Variants in COL23A1 observed in about 807,000 individuals in gnomAD.
COL23A1 encodes the protein collagen type XXIII alpha 1 chain.
In COL23A1, 97 loss-of-function variants were observed where a neutral mutation model predicts 99.3. The observed-to-expected ratio is 0.98, with a 90% CI of 0.83 to 1.16. The LOEUF is 1.16. Among genes scored for constraint, COL23A1 ranks in the 50% most tolerant of loss-of-function variants. The pLI, the probability that COL23A1 is intolerant of heterozygous loss-of-function variation, is 0.00. For missense variants in COL23A1, 762 were observed against 757.4 expected (o/e 1.01, Z -0.07); for synonymous variants, 320 against 308.2 (o/e 1.04, Z -0.40).
chr5:178,346,757 T>G (rs186738194), intron 2 of COL23A1, among the ~76,000 whole-genome samples: 73 of 152,318 alleles, frequency 4.8e-4, no homozygotes, highest in African/African-American at 1.7e-3. Context: ...CCAAGCTGCA[T>G]TTACGTAGCA....
chr5:178,524,658 C>T (rs1036445616), intron 2 of COL23A1, among the ~76,000 whole-genome samples: 4 of 152,242 alleles, frequency 2.6e-5, no homozygotes, highest in Non-Finnish European at 4.4e-5. Flanking sequence ...CTCCTGCAGA[C>T]CTGGCCAACT....
In COL23A1 at chr5:178,434,427, T is replaced by TG. The variant is rs1430420393; in HGVS notation, c.361+126254dup. On this transcript the variant is annotated intron_variant, in intron 2 of 28. Transcript: ENST00000390654. This position sits in a 1 kb window ranked among gnomAD's most constrained non-coding sequence, Gnocchi z 4.3. Reference sequence around the variant, plus strand: ...CGGGCAAAATGCCTGGACCAGGACTTGGACATTGGGCGGCTGTGTGACAGG... The same window carrying TG: ...CGGGCAAAATGCCTGGACCAGGACTTGGGACATTGGGCGGCTGTGTGACAGG... Among the ~76,000 whole-genome samples, 2 of 152,220 alleles carry TG rather than the reference T, an allele frequency of 1.3e-5. No individual in the cohort carries two copies. Among genetic ancestry groups the TG allele is most frequent in the Non-Finnish European group, 2.9e-5 (2 of 68,030 alleles).
At chr5:178,459,472 A>G (rs947101632) in intron 2 of COL23A1, among the ~76,000 whole-genome samples, 9 of 152,138 alleles carry the variant, frequency 5.9e-5, no homozygotes, top group African/African-American at 2.2e-4. Flanking sequence ...TTCCATAATA[A>G]AAAGGGGGCC....
chr5:178,487,288 T>TTTTTTTTATTTATTTA (rs773272887), intron 2 of COL23A1, among the ~76,000 whole-genome samples: 134 of 116,518 alleles, frequency 1.2e-3, no homozygotes, highest in Non-Finnish European at 1.7e-3. Context: ...CCAGCCTCAG[T>TTTTTTTTATTTATTTA]TTTATTTATT....
chr5:178,390,323 G>C (rs1373719139), intron 2 of COL23A1, among the ~76,000 whole-genome samples: 1 of 152,208 alleles, frequency 6.6e-6, no homozygotes, highest in Non-Finnish European at 1.5e-5. Flanking sequence ...GCTACAACTG[G>C]CTGGAGGAGG....
At position 178,290,220 on chromosome 5, in the gene COL23A1, C is replaced by A. The variant is rs1405393947; in HGVS notation, c.414+142G>T. ...GTGCTGGGATTCCAGGCGTGAGCCA[C>A]CGCACCTGGCCACTTTTTAATAGGA... On this transcript the variant is annotated intron_variant, in intron 4 of 28. Transcript: ENST00000390654. 15 of 1,169,510 alleles carry A rather than the reference C, an allele frequency of 1.3e-5. No individual in the cohort carries two copies. The East Asian group carries it at 3.4e-4, about 26-fold the overall frequency. 72.4% of individuals were successfully genotyped at this position (1,169,510 alleles called of 1,614,324 possible).
intron 5 of COL23A1, among the ~76,000 whole-genome samples, chr5:178,282,352 G>T (rs1219346267): frequency 6.6e-6 from 1 of 152,188 alleles, no homozygotes; most frequent in Non-Finnish European, 1.5e-5. Context: ...GATACCAGGG[G>T]TGGAATACAA....
chr5:178,382,632 CAA>C (rs1561923186), intron 2 of COL23A1, among the ~76,000 whole-genome samples: 1 of 152,150 alleles, frequency 6.6e-6, no homozygotes. Flanking sequence ...TCCCCTCCCG[CAA>C]AGTCTCATTA....
chr5:178,489,461 G>A (rs1016295221), intron 2 of COL23A1, among the ~76,000 whole-genome samples: 1 of 152,200 alleles, frequency 6.6e-6, no homozygotes, highest in Non-Finnish European at 1.5e-5. Context: ...AGCCTGTCAT[G>A]GGACTTTGCC....
Position 178,428,893 on chromosome 5 carries a change from C to G in COL23A1, c.362-121974G>C, listed in dbSNP as rs1316954997. ...GGTGGGGGCAGGGCTGCCTTTGCCT[C>G]CCTATTGTTTCCAAGCCAGCTCCCT... On this transcript the variant is annotated intron_variant, in intron 2 of 28. Transcript: ENST00000390654. This position sits in a 1 kb window ranked among gnomAD's most constrained non-coding sequence, Gnocchi z 5.0. Among the ~76,000 whole-genome samples the G allele has an allele frequency of 6.6e-6, 1 of 152,136 alleles. No homozygotes were observed. The highest frequency in any genetic ancestry group is 1.5e-5 in the Non-Finnish European group (1 of 68,022).
chr5:178,241,931 C>T (rs1764422361), intron 27 of COL23A1, 111 bp downstream of exon 27: 1 of 764,644 alleles, frequency 1.3e-6, no homozygotes, highest in Admixed American at 2.5e-5. Flanking sequence ...CAGTGCGTGA[C>T]CAGTGGGGCC....
intron 2 of COL23A1, among the ~76,000 whole-genome samples, chr5:178,493,688 G>A (rs892700266): frequency 5.3e-5 from 8 of 152,228 alleles, no homozygotes; most frequent in Non-Finnish European, 1.0e-4. Flanking sequence ...ATTCAGGCCC[G>A]GGTAGGCCAG....
intron 2 of COL23A1, among the ~76,000 whole-genome samples, chr5:178,389,972 G>C (rs1033458113): frequency 6.6e-6 from 1 of 152,190 alleles, no homozygotes. Flanking sequence ...AAAGACGCTC[G>C]GCGGCAGGAG....
At chr5:178,488,388 C>T (rs1304391128) in intron 2 of COL23A1, among the ~76,000 whole-genome samples, 1 of 152,158 alleles carries the variant, frequency 6.6e-6, no homozygotes, top group Non-Finnish European at 1.5e-5. Context: ...TCCCTGACCC[C>T]AGACCCGGAA....
intron 2 of COL23A1, among the ~76,000 whole-genome samples, chr5:178,534,957 T>G (rs1426545551): frequency 2.0e-5 from 3 of 148,514 alleles, no homozygotes; most frequent in African/African-American, 5.1e-5. Flanking sequence ...CACAGATTCC[T>G]TCTTTTTCCT....
chr5:178,442,153 C>T (rs1198291498), intron 2 of COL23A1, among the ~76,000 whole-genome samples: 1 of 151,706 alleles, frequency 6.6e-6, no homozygotes, highest in Non-Finnish European at 1.5e-5. Flanking sequence ...TGGCCAAGGT[C>T]CCCAGATGAT....
chr5:178,478,131 G>A lies in COL23A1; in HGVS notation c.361+82551C>T, dbSNP rs1274593423. On this transcript the variant is annotated intron_variant, in intron 2 of 28. Coordinates refer to ENST00000390654, the MANE Select transcript of COL23A1 (RefSeq NM_173465.4). ...CAGTTGAGCCAGACAGTGCCTGCGG[G>A]CCCCCGACAGGCCTCCCTGAACCTC... 2.0e-5 allele frequency among the ~76,000 whole-genome samples: 3 copies of A among 152,164 alleles called. No individual in the cohort carries two copies. The East Asian group carries it at 5.8e-4, about 29-fold the overall frequency.
chr5:178,504,671 C>A (rs576592035), intron 2 of COL23A1, among the ~76,000 whole-genome samples: 2 of 152,320 alleles, frequency 1.3e-5, no homozygotes, highest in South Asian at 2.1e-4. Flanking sequence ...AAGCTGGTCC[C>A]CGCTGAGAGA....
intron 2 of COL23A1, among the ~76,000 whole-genome samples, chr5:178,381,108 T>C (rs373661473): frequency 1.4e-4 from 21 of 152,354 alleles, no homozygotes; most frequent in African/African-American, 4.6e-4. Flanking sequence ...CCACAGTCAC[T>C]GAAGTGGAGT....
Sources: allele counts gnomAD v4.1 joint callset (sites outside exome capture counted in the v4.1 genomes callset), GRCh38; gene constraint gnomAD v4.1.1; non-coding constraint Gnocchi (gnomAD v3.1); transcripts MANE v1.5; gene names NCBI Gene and HGNC (gene_info 2026-07-23, HGNC 2026-07-21).